Variants in ZNF652 observed in about 807,000 individuals in gnomAD.
ZNF652 encodes zinc finger protein 652.
Under a neutral mutation model 45.2 loss-of-function variants are expected in ZNF652, and 16 were observed. The ratio of observed to expected loss-of-function variants is 0.35; its 90% confidence interval spans 0.24 to 0.54. ZNF652 has a LOEUF of 0.54. ZNF652 is among the 20% of genes least tolerant of loss of function. The pLI is 0.91. For missense variants in ZNF652, 614 were observed against 765.6 expected (o/e 0.80, Z 2.34); for synonymous variants, 250 against 260.6 (o/e 0.96, Z 0.39).
intron 1 of ZNF652, among the ~76,000 whole-genome samples, chr17:49,318,741 C>A (rs950091044): frequency 2.6e-5 from 4 of 152,188 alleles, no homozygotes. Flanking sequence ...CTTTCAACAT[C>A]AATCACCATG....
intron 1 of ZNF652, among the ~76,000 whole-genome samples, chr17:49,321,424 T>C (rs77732204): frequency 1.0e-4 from 2 of 19,990 alleles, no homozygotes; most frequent in Non-Finnish European, 1.2e-4. Context: ...CCACCACGCT[T>C]TTTTTTTTTT....
intron 1 of ZNF652, among the ~76,000 whole-genome samples, chr17:49,347,269 A>C (rs1324331969): frequency 6.6e-6 from 1 of 152,244 alleles, no homozygotes; most frequent in African/African-American, 2.4e-5. Context: ...TTATAGAATT[A>C]AACATTATTT....
intron 5 of ZNF652, among the ~76,000 whole-genome samples, chr17:49,300,294 C>T (rs1325888075): frequency 6.6e-6 from 1 of 152,124 alleles, no homozygotes; most frequent in Non-Finnish European, 1.5e-5. Context: ...TGCCGCTATG[C>T]CATTTCCCAA....
At chr17:49,327,761 ATATATATATATATATATATTTTTT>A (rs1567690467) in intron 1 of ZNF652, among the ~76,000 whole-genome samples, 71 of 10,082 alleles carry the variant, frequency 7.0e-3, no homozygotes, top group Non-Finnish European at 0.014. Context: ...ATATATATAT[ATATATATATATATATATATTTTTT>A]TTTTTTTTTT....
At chr17:49,356,289 C>T (rs1448130631) in intron 1 of ZNF652, among the ~76,000 whole-genome samples, 1 of 150,622 alleles carries the variant, frequency 6.6e-6, no homozygotes, top group Non-Finnish European at 1.5e-5. Context: ...TAGCCAGGCA[C>T]GGTGGCAGGC....
In ZNF652 at chr17:49,362,179, G is replaced by T. The variant is rs1768445204; in HGVS notation, c.-529C>A. The T allele has an allele frequency of 6.6e-6, 1 of 150,710 alleles. No homozygotes were observed. Among genetic ancestry groups the T allele is most frequent in the South Asian group, 1.8e-4 (1 of 5,520 alleles). 9.3% of individuals were successfully genotyped at this position (150,710 alleles called of 1,614,324 possible). ...GCGGGGCCGGCGGGGCGGGCAGCGCGGGGCGGGCGGCAGGGGAGGGGGTGT... is the reference window on the plus strand; with the variant it reads ...GCGGGGCCGGCGGGGCGGGCAGCGCTGGGCGGGCGGCAGGGGAGGGGGTGT... On this transcript the variant is annotated 5_prime_UTR_variant, in exon 1 of 6. Transcript: ENST00000430262.
chr17:49,318,651 C>T (rs182735744), intron 1 of ZNF652, among the ~76,000 whole-genome samples: 2 of 152,284 alleles, frequency 1.3e-5, no homozygotes, highest in Non-Finnish European at 1.5e-5. Flanking sequence ...AATATACGGT[C>T]TCTATCCACA....
In ZNF652 at chr17:49,313,902, G is replaced by A. The variant is rs954441204; in HGVS notation, c.901-1057C>T. Among the ~76,000 whole-genome samples, 98 of 132,554 alleles carry A rather than the reference G, an allele frequency of 7.4e-4. 1 individual carries two copies. Among genetic ancestry groups the A allele is most frequent in the African/African-American group, 2.6e-3 (92 of 35,094 alleles). 87.0% of individuals were successfully genotyped at this position (132,554 alleles called of 152,430 possible). On this transcript the variant is annotated intron_variant, in intron 2 of 5. Transcript: ENST00000430262. ...GCAGGAGAATCTCTTGAACCGGGAG[G>A]TGGAGGTTGCAGTGAGCCGAGATCG...
At chr17:49,333,722 GAAAAAAAAAAAA>G (rs749640282) in intron 1 of ZNF652, among the ~76,000 whole-genome samples, 1 of 56,572 alleles carries the variant, frequency 1.8e-5, no homozygotes, top group African/African-American at 6.4e-5. Flanking sequence ...TCTGTCTCAA[GAAAAAAAAAAAA>G]AAAAAAAAAG....
At chr17:49,299,122 A>G (rs982971626) in intron 5 of ZNF652, among the ~76,000 whole-genome samples, 198 bp from the exon 6 acceptor site, 1 of 150,464 alleles carries the variant, frequency 6.6e-6, no homozygotes, top group African/African-American at 2.4e-5. Flanking sequence ...GGCCTATGAG[A>G]CTGTATTCTA....
In ZNF652 at chr17:49,311,968, G is replaced by A. The variant is rs762857436; in HGVS notation, c.1123C>T (p.His375Tyr). 1 of 1,613,862 alleles carries A rather than the reference G, an allele frequency of 6.2e-7. No individual in the cohort carries two copies. The highest frequency in any genetic ancestry group is 8.5e-7 in the Non-Finnish European group (1 of 1,179,826). ...SFKRSMSLKV[H>Y]SLQHSGEKPF... Reference sequence around the variant, plus strand: ...TTCTCTCCAGAATGCTGCAAGGAGTGCACCTTGAGTGACATACTGCGTTTG... The same window carrying A: ...TTCTCTCCAGAATGCTGCAAGGAGTACACCTTGAGTGACATACTGCGTTTG... Residue 375 changes from histidine (H) to tyrosine (Y), a missense_variant, in exon 4 of 6, where the codon CAC becomes TAC. Physicochemically the swap from His to Tyr is moderately conservative, Grantham distance 83 (BLOSUM62 2). Around this residue, in one of 5 missense-constraint regions of ZNF652, gnomAD observed 262 missense variants for 306.3 expected, o/e 0.86. Transcript: ENST00000430262.
At chr17:49,310,191 G>A (rs538078842) in intron 5 of ZNF652, among the ~76,000 whole-genome samples, 12 of 152,270 alleles carry the variant, frequency 7.9e-5, no homozygotes. Flanking sequence ...CTGACCTTGT[G>A]ACCCACCCGC....
rs1243240288 is a variant in ZNF652, at chr17:49,296,135, A to G, written c.*2278T>C. Reference sequence around the variant, plus strand: ...GTGGAGGGAGAGGGAGACAACCACTAAAGATATAACAGTCATATGCAAGGA... The same window carrying G: ...GTGGAGGGAGAGGGAGACAACCACTGAAGATATAACAGTCATATGCAAGGA... On this transcript the variant is annotated 3_prime_UTR_variant, in exon 6 of 6. Transcript: ENST00000430262. 14 of 152,270 alleles carry G rather than the reference A, an allele frequency of 9.2e-5. 1 individual carries two copies. 9.4% of individuals were successfully genotyped at this position (152,270 alleles called of 1,614,324 possible).
At chr17:49,311,028 T>G (rs2069703806) in intron 5 of ZNF652, among the ~76,000 whole-genome samples, 1 of 152,160 alleles carries the variant, frequency 6.6e-6, no homozygotes, top group Admixed American at 6.5e-5. Flanking sequence ...AAAAGAAGTT[T>G]CATACAATTT....
Position 49,317,095 on chromosome 17 carries a change from T to C in ZNF652, c.631A>G (p.Arg211Gly). 1.2e-6 allele frequency: 2 copies of C among 1,614,108 alleles called. No individual in the cohort carries two copies. Among genetic ancestry groups the C allele is most frequent in the Non-Finnish European group, 1.7e-6 (2 of 1,180,012 alleles). ...GGCTCTACACTCTTCCTACGACCTC[T>C]TGTAGTTCTGGGAGTAGGGGAAGTG... is the stretch of plus-strand genomic sequence containing the variant. Reference protein sequence around the residue: ...ATTSPTPRTTRGRRKSVEPPK... With the variant: ...ATTSPTPRTTGGRRKSVEPPK... The change falls in exon 2 of 6, where the codon AGA (arginine) becomes GGA (glycine). Residue 211 changes from arginine (R) to glycine (G), a missense_variant. By Grantham distance (125) the Arg-to-Gly change is moderately radical (BLOSUM62 -2). Around this residue, in one of 5 missense-constraint regions of ZNF652, gnomAD observed 262 missense variants for 306.3 expected, o/e 0.86. Coordinates refer to ENST00000430262, the MANE Select transcript of ZNF652 (RefSeq NM_001145365.3).
In ZNF652 at chr17:49,296,136, A is replaced by C. The variant is rs879558759; in HGVS notation, c.*2277T>G. On this transcript the variant is annotated 3_prime_UTR_variant, in exon 6 of 6. Coordinates refer to ENST00000430262, the MANE Select transcript of ZNF652 (RefSeq NM_001145365.3). ...TGGAGGGAGAGGGAGACAACCACTA[A>C]AGATATAACAGTCATATGCAAGGAA... 1.3e-5 allele frequency: 2 copies of C among 152,240 alleles called. No individual in the cohort carries two copies. Among genetic ancestry groups the C allele is most frequent in the Non-Finnish European group, 2.9e-5 (2 of 68,020 alleles). 9.4% of individuals were successfully genotyped at this position (152,240 alleles called of 1,614,324 possible). A position where few individuals can be genotyped will look rare whatever the true frequency, so the allele number is the denominator to read the frequency against.
At chr17:49,300,794 C>T (rs1475820973) in intron 5 of ZNF652, among the ~76,000 whole-genome samples, 1 of 152,174 alleles carries the variant, frequency 6.6e-6, no homozygotes, top group Non-Finnish European at 1.5e-5. Context: ...GTGTACCAGA[C>T]ACTGCTAACT....
rs564559346 is a variant in ZNF652 at position 49,291,812 on chromosome 17, A to G, written c.*6601T>C. 1 of 152,248 alleles carries G rather than the reference A, an allele frequency of 6.6e-6. No individual in the cohort carries two copies. Among genetic ancestry groups the G allele is most frequent in the Non-Finnish European group, 1.5e-5 (1 of 68,040 alleles). 9.4% of individuals were successfully genotyped at this position (152,248 alleles called of 1,614,324 possible). A position where few individuals can be genotyped will look rare whatever the true frequency, so the allele number is the denominator to read the frequency against. On this transcript the variant is annotated 3_prime_UTR_variant, in exon 6 of 6. Transcript: ENST00000430262. ...CATCATGGCAAATCAAGTGAAAGGT[A>G]ATTAACACAACAAGAAACCCGTTAC...
chr17:49,318,720 T>A (rs1051430093), intron 1 of ZNF652, among the ~76,000 whole-genome samples: 8 of 152,226 alleles, frequency 5.3e-5, no homozygotes, highest in African/African-American at 1.9e-4. Flanking sequence ...AGCTTTATAT[T>A]GGCTGACTTT....
Sources: allele counts gnomAD v4.1 joint callset (sites outside exome capture counted in the v4.1 genomes callset), GRCh38; gene constraint gnomAD v4.1.1; regional missense constraint gnomAD v4.1.1; transcripts MANE v1.5; gene names NCBI Gene and HGNC (gene_info 2026-07-23, HGNC 2026-07-21).